Variants in ASTN2 observed in about 807,000 individuals in gnomAD.
The protein encoded by ASTN2 is astrotactin-2.
A neutral mutation model predicts 139.8 loss-of-function variants in ASTN2; 54 were observed. The ratio of observed to expected loss-of-function variants is 0.39; its 90% CI spans 0.31 to 0.48. The LOEUF is 0.48. Ranked by LOEUF, ASTN2 falls within the 20% of genes least tolerant of loss-of-function variation. The pLI is 0.95. For missense variants in ASTN2, 1,565 were observed against 1,725.1 expected (o/e 0.91, Z 1.64); for synonymous variants, 756 against 719.5 (o/e 1.05, Z -0.81).
intron 19 of ASTN2, among the ~76,000 whole-genome samples, chr9:116,512,271 G>C (rs753195113): frequency 6.6e-6 from 1 of 152,098 alleles, no homozygotes; most frequent in South Asian, 2.1e-4. Context: ...CCAGTAGTCA[G>C]TCAGGAGCAC....
At chr9:117,395,398 G>A (rs1830650874) in intron 1 of ASTN2, among the ~76,000 whole-genome samples, 1 of 152,164 alleles carries the variant, frequency 6.6e-6, no homozygotes, top group Admixed American at 6.5e-5. Context: ...ATTCCTGCTG[G>A]AGATTTTATG....
At position 116,756,898 on chromosome 9, in the gene ASTN2, G is replaced by A. The variant is rs145810847; in HGVS notation, c.2397-23375C>T. 2.2e-4 allele frequency among the ~76,000 whole-genome samples: 33 copies of A among 152,168 alleles called. No individual in the cohort carries two copies. The East Asian group carries it at 6.4e-3, about 29-fold the overall frequency. On this transcript the variant is annotated intron_variant, in intron 13 of 22. Coordinates refer to ENST00000313400, the MANE Select transcript of ASTN2 (RefSeq NM_001365068.1). ...AGAAAGGCAAAGTGATGTACCCAAGGTCACAGAGCCAATAAGTGACAACTT... is the reference window on the plus strand; with the variant it reads ...AGAAAGGCAAAGTGATGTACCCAAGATCACAGAGCCAATAAGTGACAACTT...
At chr9:116,937,911 A>G (rs1442988687) in intron 10 of ASTN2, among the ~76,000 whole-genome samples, 2 of 152,210 alleles carry the variant, frequency 1.3e-5, no homozygotes, top group African/African-American at 2.4e-5. Flanking sequence ...CACTGAAACT[A>G]AGCTCACAAA....
chr9:116,570,069 A>G (rs1853433881), intron 19 of ASTN2, among the ~76,000 whole-genome samples: 1 of 152,192 alleles, frequency 6.6e-6, no homozygotes. Context: ...CTCGGTTCGA[A>G]TCTGGGCTCC....
chr9:117,058,584 G>GTA (rs1839137380), intron 5 of ASTN2, among the ~76,000 whole-genome samples: 1 of 152,172 alleles, frequency 6.6e-6, no homozygotes, highest in African/African-American at 2.4e-5. Flanking sequence ...TGACCCCAAG[G>GTA]TATAGCCTCT....
intron 2 of ASTN2, among the ~76,000 whole-genome samples, chr9:117,264,207 G>C (rs1833891098): frequency 6.6e-6 from 1 of 151,644 alleles, no homozygotes; most frequent in South Asian, 2.1e-4. Context: ...TATTTCTCTG[G>C]TCCAATCTCT....
chr9:116,514,666 C>T (rs898765517), intron 19 of ASTN2, among the ~76,000 whole-genome samples: 7 of 152,164 alleles, frequency 4.6e-5, no homozygotes, highest in East Asian at 1.9e-4. Flanking sequence ...GTTTGAGCTT[C>T]CCAGCCGCTT....
chr9:117,339,427 C>T (rs1419866627), intron 1 of ASTN2, among the ~76,000 whole-genome samples: 2 of 152,152 alleles, frequency 1.3e-5, no homozygotes, highest in African/African-American at 4.8e-5. Flanking sequence ...ATCTCACACA[C>T]ATGCACATGC....
chr9:116,614,384 T>C (rs1588084854), intron 19 of ASTN2, among the ~76,000 whole-genome samples: 1 of 152,130 alleles, frequency 6.6e-6, no homozygotes, highest in Non-Finnish European at 1.5e-5. Context: ...TTAAAGTTCA[T>C]ATGGAACCAA....
chr9:117,254,150 T>C (rs1003165118), intron 2 of ASTN2, among the ~76,000 whole-genome samples: 2 of 152,098 alleles, frequency 1.3e-5, no homozygotes, highest in African/African-American at 4.8e-5. Flanking sequence ...ATCTGTCAAA[T>C]GGGGCCAATA....
At chr9:116,933,247 G>A (rs141416317) in intron 10 of ASTN2, among the ~76,000 whole-genome samples, 3,576 of 152,138 alleles carry the variant, frequency 0.024, 56 homozygotes, top group Middle Eastern at 0.054. Flanking sequence ...AACAAATCGA[G>A]CACCCCTCCT....
At chr9:117,115,956 C>T (rs960521686) in intron 4 of ASTN2, among the ~76,000 whole-genome samples, 19 of 151,006 alleles carry the variant, frequency 1.3e-4, no homozygotes, top group Admixed American at 9.9e-4. Context: ...ACCCAGAAGG[C>T]GGAGCTTGCA....
At chr9:116,941,322 G>C (rs1423908034) in intron 10 of ASTN2, among the ~76,000 whole-genome samples, 1 of 150,432 alleles carries the variant, frequency 6.6e-6, no homozygotes, top group Non-Finnish European at 1.5e-5. Context: ...TTTTTTTTAA[G>C]TCTTTTATTC....
intron 5 of ASTN2, among the ~76,000 whole-genome samples, chr9:117,074,024 A>T (rs1024967010): frequency 6.6e-5 from 10 of 152,190 alleles, no homozygotes; most frequent in Middle Eastern, 6.8e-3. Context: ...GATGGCCATT[A>T]TTATCCCCGG....
intron 1 of ASTN2, among the ~76,000 whole-genome samples, chr9:117,317,708 TCCA>T (rs1390657076): frequency 6.6e-6 from 1 of 152,102 alleles, no homozygotes; most frequent in African/African-American, 2.4e-5. Flanking sequence ...GAACCACACT[TCCA>T]TCCATCACCA....
chr9:116,595,854 T>G (rs1219209764), intron 19 of ASTN2, among the ~76,000 whole-genome samples: 1 of 152,156 alleles, frequency 6.6e-6, no homozygotes, highest in African/African-American at 2.4e-5. Flanking sequence ...GAAGCCACTA[T>G]GAAAAACAGT....
chr9:117,164,009 A>G (rs1311164351), intron 3 of ASTN2, among the ~76,000 whole-genome samples: 1 of 152,118 alleles, frequency 6.6e-6, no homozygotes, highest in East Asian at 1.9e-4. Flanking sequence ...TGGATTAATC[A>G]TCATTTTCAC....
chr9:116,836,768 T>C (rs1195027993), intron 11 of ASTN2, among the ~76,000 whole-genome samples: 1 of 152,082 alleles, frequency 6.6e-6, no homozygotes, highest in Non-Finnish European at 1.5e-5. Context: ...CTTTCAGTCT[T>C]ATGCTTGTTT....
At chr9:116,815,532 G>A (rs1242942412) in intron 12 of ASTN2, among the ~76,000 whole-genome samples, 2 of 151,972 alleles carry the variant, frequency 1.3e-5, no homozygotes, top group Non-Finnish European at 1.5e-5. Context: ...GAGGCCGGGC[G>A]CGGTGGCTCA....
Sources: gnomAD v4.1 joint callset for allele counts (sites outside exome capture counted in the v4.1 genomes callset) on GRCh38, gnomAD v4.1.1 for gene constraint, MANE v1.5 for transcripts, NCBI Gene and HGNC (gene_info 2026-07-23, HGNC 2026-07-21) for gene names.